GCLC: variants seen among roughly 807,000 people sequenced by gnomAD.
GCLC encodes the protein glutamate-cysteine ligase catalytic subunit.
Under a neutral mutation model 81.5 loss-of-function variants are expected in GCLC, and 30 were observed. That is an observed-to-expected ratio of 0.37 (90% CI 0.28 to 0.50). The LOEUF is 0.50. Ranked by LOEUF, GCLC falls within the 20% of genes least tolerant of loss-of-function variation. The probability of loss-of-function intolerance (pLI) is 0.96; values close to 1 mark genes in which losing one functional copy is unlikely to be tolerated. For synonymous variants in GCLC, 262 were observed against 273.3 expected, an observed-to-expected ratio of 0.96 and a Z score of 0.41; for missense variants, 556 against 777.4, an observed-to-expected ratio of 0.72 and a Z score of 3.39.
chr6:53,511,350 T>C (rs917094171), intron 6 of GCLC, among the ~76,000 whole-genome samples: 1 of 152,222 alleles, frequency 6.6e-6, no homozygotes, highest in African/African-American at 2.4e-5. Context: ...GTATTTTGAC[T>C]AAAGAATTAT....
intron 1 of GCLC, among the ~76,000 whole-genome samples, chr6:53,541,493 C>T (rs1763354331): frequency 6.6e-6 from 1 of 152,102 alleles, no homozygotes; most frequent in African/African-American, 2.4e-5. Flanking sequence ...AGAGACATAA[C>T]TGAAGCAAAT....
intron 1 of GCLC, among the ~76,000 whole-genome samples, chr6:53,531,842 C>G (rs1005245414): frequency 6.6e-6 from 1 of 152,222 alleles, no homozygotes; most frequent in African/African-American, 2.4e-5. Context: ...CCTTAATTTT[C>G]CCTAATGATA....
chr6:53,514,026 C>A, intron 6 of GCLC, 178 bp downstream of exon 6: 1 of 642,798 alleles, frequency 1.6e-6, no homozygotes, highest in Non-Finnish European at 2.8e-6. Context: ...AACTATTAGT[C>A]ATAGACAGCT....
chr6:53,522,743 T>C (rs1265923285), intron 1 of GCLC: 9 of 483,554 alleles, frequency 1.9e-5, no homozygotes, highest in Non-Finnish European at 3.4e-5. Context: ...CATCCCTTCT[T>C]TCCTCTGTCC....
chr6:53,504,507 ATC>A (rs1245656960), intron 12 of GCLC, among the ~76,000 whole-genome samples: 2 of 152,164 alleles, frequency 1.3e-5, no homozygotes, highest in African/African-American at 4.8e-5. Flanking sequence ...CTTACATGGA[ATC>A]TCTCTTAGAT....
intron 4 of GCLC, 75 bp from the exon 5 acceptor site, chr6:53,514,572 A>G (rs962711663): frequency 1.4e-5 from 14 of 1,001,402 alleles, no homozygotes; most frequent in Non-Finnish European, 2.3e-5. Flanking sequence ...GATTACATAC[A>G]AGTAAGTGGA....
rs1763426156 is a variant in GCLC, at chr6:53,544,933, G to A, written c.-288C>T. On this transcript the variant is annotated 5_prime_UTR_variant, in exon 1 of 16. Coordinates refer to ENST00000650454, the MANE Select transcript of GCLC (RefSeq NM_001498.4). The stretch of plus-strand genomic sequence containing the variant: ...GCCCGGCGGCCTCGCCCTCCCCGCT[G>A]CTCCTCCTCCCGCTCCGATGCGGCG... 4.0e-6 allele frequency: 1 copy of A among 251,026 alleles called. No individual in the cohort carries two copies. The highest frequency in any genetic ancestry group is 7.5e-6 in the Non-Finnish European group (1 of 132,602). 15.5% of individuals were successfully genotyped at this position (251,026 alleles called of 1,614,324 possible).
At chr6:53,502,088 C>T (rs906884126) in intron 12 of GCLC, among the ~76,000 whole-genome samples, 2 of 152,070 alleles carry the variant, frequency 1.3e-5, no homozygotes, top group African/African-American at 2.4e-5. Flanking sequence ...TGAATTTTAG[C>T]GGGAACGCAT....
intron 1 of GCLC, among the ~76,000 whole-genome samples, chr6:53,530,209 G>A (rs761270249): frequency 6.6e-6 from 1 of 152,192 alleles, no homozygotes; most frequent in Non-Finnish European, 1.5e-5. Flanking sequence ...CAGGACGACA[G>A]GGCTTCAAGA....
chr6:53,533,605 A>T (rs1429551903), intron 1 of GCLC, among the ~76,000 whole-genome samples: 1 of 152,216 alleles, frequency 6.6e-6, no homozygotes, highest in Non-Finnish European at 1.5e-5. Flanking sequence ...GGTAGAATTT[A>T]CCGATTTTCA....
chr6:53,544,909 C>A lies in GCLC; in HGVS notation c.-264G>T, dbSNP rs1436944002. On this transcript the variant is annotated 5_prime_UTR_variant, in exon 1 of 16. Transcript: ENST00000650454. ...CGAGAGCAGGCGGGACGGCTCTCGG[C>A]CCGGCGGCCTCGCCCTCCCCGCTGC... 1 of 292,932 alleles carries A rather than the reference C, an allele frequency of 3.4e-6. No homozygotes were observed. The highest frequency in any genetic ancestry group is 6.3e-6 in the Non-Finnish European group (1 of 159,254). The allele number at this position is 292,932 out of a possible 1,614,324, so 18.1% of individuals were successfully genotyped here.
chr6:53,523,479 A>G (rs1763032536), intron 1 of GCLC, among the ~76,000 whole-genome samples: 1 of 152,246 alleles, frequency 6.6e-6, no homozygotes, highest in East Asian at 1.9e-4. Flanking sequence ...ACCAGGCTAC[A>G]GTGTATTTGG....
At chr6:53,542,774 G>A (rs1004711572) in intron 1 of GCLC, among the ~76,000 whole-genome samples, 4 of 112,702 alleles carry the variant, frequency 3.5e-5, no homozygotes, top group African/African-American at 1.5e-4. Flanking sequence ...CCAGCACTTT[G>A]GGAAGCCGAG....
At chr6:53,533,734 TTTAA>T (rs1763210657) in intron 1 of GCLC, among the ~76,000 whole-genome samples, 1 of 39,436 alleles carries the variant, frequency 2.5e-5, no homozygotes, top group South Asian at 7.9e-4. Context: ...GATAGGGTTT[TTTAA>T]TTAGTCTTAC....
rs553841890 is a variant in GCLC at position 53,506,137 on chromosome 6, T to C, written c.1198-242A>G. ...TGCAAGCTTAATCTCACCCAGCTCC[T>C]ACTCCCTATCTCCCAGCTACAGAGC... On this transcript the variant is annotated intron_variant, in intron 10 of 15. Transcript: ENST00000650454. This position sits in a 1 kb window ranked among gnomAD's most constrained non-coding sequence, Gnocchi z 4.0. 68 of 450,458 alleles carry C rather than the reference T, an allele frequency of 1.5e-4. No homozygotes were observed. Among genetic ancestry groups the C allele is most frequent in the Admixed American group, 3.9e-4 (12 of 30,864 alleles). 27.9% of individuals were successfully genotyped at this position (450,458 alleles called of 1,614,324 possible).
chr6:53,498,542 T>C lies in GCLC; in HGVS notation c.*214A>G. 1 of 570,456 alleles carries C rather than the reference T, an allele frequency of 1.8e-6. No individual in the cohort carries two copies. Among genetic ancestry groups the C allele is most frequent in the Non-Finnish European group, 3.1e-6 (1 of 319,120 alleles). The allele number at this position is 570,456 out of a possible 1,614,324, so 35.3% of individuals were successfully genotyped here. On this transcript the variant is annotated 3_prime_UTR_variant, in exon 16 of 16. Transcript: ENST00000650454. ...GATGACTTTAGATATGTTATTAAAA[T>C]ACATTGTTAATCAAAAATACTTTAC... is the stretch of plus-strand genomic sequence containing the variant.
intron 1 of GCLC, among the ~76,000 whole-genome samples, chr6:53,524,716 T>G (rs1763052414): frequency 6.6e-6 from 1 of 152,228 alleles, no homozygotes. Context: ...CTAAAGAAAG[T>G]CTAAGAGATA....
chr6:53,529,404 G>C (rs1351504883), intron 1 of GCLC, among the ~76,000 whole-genome samples: 3 of 152,066 alleles, frequency 2.0e-5, no homozygotes, highest in Non-Finnish European at 4.4e-5. Context: ...GACCATTAAG[G>C]CATTCCTACT....
intron 12 of GCLC, among the ~76,000 whole-genome samples, chr6:53,505,019 T>C (rs1764586169): frequency 6.6e-6 from 1 of 152,204 alleles, no homozygotes; most frequent in Admixed American, 6.5e-5. Context: ...AATTTGTTTT[T>C]CTGAGAGTTC....
Sources: allele counts gnomAD v4.1 joint callset (sites outside exome capture counted in the v4.1 genomes callset), GRCh38; gene constraint gnomAD v4.1.1; non-coding constraint Gnocchi (gnomAD v3.1); transcripts MANE v1.5; gene names NCBI Gene and HGNC (gene_info 2026-07-23, HGNC 2026-07-21).